Variants in RHBDL2 observed in about 807,000 individuals in gnomAD.
RHBDL2 encodes rhomboid-related protein 2.
In RHBDL2, 26 loss-of-function variants were observed where a neutral mutation model predicts 31.7. That is an observed-to-expected ratio of 0.82 (90% CI 0.60 to 1.14). The LOEUF is 1.14. RHBDL2 is among the 50% of genes most tolerant of loss of function. The probability of loss-of-function intolerance (pLI) is 0.00; values close to 1 mark genes in which losing one functional copy is unlikely to be tolerated. For missense variants in RHBDL2, 336 were observed against 364.4 expected (o/e 0.92, Z 0.63); for synonymous variants, 123 against 127.2 (o/e 0.97, Z 0.22).
At chr1:38,919,426 TAAAA>T in intron 1 of RHBDL2, 89 bp from the exon 2 acceptor site, 1 of 1,287,460 alleles carries the variant, frequency 7.8e-7, no homozygotes, top group Non-Finnish European at 1.0e-6. Context: ...GTAATTGTTT[TAAAA>T]AGAGCCAGAT....
intron 1 of RHBDL2, among the ~76,000 whole-genome samples, chr1:38,929,083 T>TAAATAA (rs939404210): frequency 0.02 from 3,038 of 151,986 alleles, 98 homozygotes; most frequent in African/African-American, 0.069. Flanking sequence ...AAAACCTAAA[T>TAAATAA]AAATAAAAAT....
At chr1:38,910,232 A>G (rs1027423705) in intron 4 of RHBDL2, among the ~76,000 whole-genome samples, 2 of 152,190 alleles carry the variant, frequency 1.3e-5, no homozygotes, top group South Asian at 2.1e-4. Flanking sequence ...ATAAAAAGGC[A>G]TCATAAGGGA....
intron 1 of RHBDL2, among the ~76,000 whole-genome samples, chr1:38,936,502 T>G (rs897371093): frequency 2.1e-5 from 2 of 93,590 alleles, no homozygotes; most frequent in East Asian, 3.8e-4. Context: ...GCTTTTTGGG[T>G]TTTTTTTTTT....
intron 5 of RHBDL2, among the ~76,000 whole-genome samples, chr1:38,894,780 C>T (rs1242506254): frequency 2.0e-4 from 27 of 132,278 alleles, no homozygotes; most frequent in Non-Finnish European, 4.6e-5. Context: ...GATCTCAGCT[C>T]ACTGCAACCT....
intron 1 of RHBDL2, among the ~76,000 whole-genome samples, chr1:38,938,248 C>A (rs993397144): frequency 6.6e-6 from 1 of 152,022 alleles, no homozygotes; most frequent in African/African-American, 2.4e-5. Flanking sequence ...AACTCCTGAC[C>A]TTGTGATCCG....
In RHBDL2 at chr1:38,908,193, C is replaced by T. The variant is rs558577375; in HGVS notation, c.508+3129G>A. Among the ~76,000 whole-genome samples, 9 of 145,646 alleles carry T rather than the reference C, an allele frequency of 6.2e-5. No homozygotes were observed. The East Asian group carries it at 1.9e-3, about 30-fold the overall frequency. ...AAAAAAAAAAAAAGATATTCAACAT[C>T]ATTAGCCATTAGGGAAATGCAAATT... On this transcript the variant is annotated intron_variant, in intron 4 of 7. Coordinates refer to ENST00000372990, the MANE Select transcript of RHBDL2 (RefSeq NM_017821.5).
chr1:38,904,523 C>A (rs890104047), intron 4 of RHBDL2, among the ~76,000 whole-genome samples: 14 of 151,022 alleles, frequency 9.3e-5, no homozygotes, highest in African/African-American at 3.4e-4. Context: ...AGCCACAATT[C>A]CTAAAGTTTG....
chr1:38,929,938 T>C (rs1481769894), intron 1 of RHBDL2, among the ~76,000 whole-genome samples: 2 of 152,220 alleles, frequency 1.3e-5, no homozygotes, highest in African/African-American at 4.8e-5. Flanking sequence ...TTTCTGAGGA[T>C]ACACTTGGAA....
At chr1:38,929,642 C>T (rs921406875) in intron 1 of RHBDL2, 2 of 1,216,456 alleles carry the variant, frequency 1.6e-6, no homozygotes, top group African/African-American at 3.1e-5. Flanking sequence ...GGAGGCTGGG[C>T]AGCGGGCTGT....
At chr1:38,898,122 ACT>A (rs1415655335) in intron 4 of RHBDL2, among the ~76,000 whole-genome samples, 1 of 151,936 alleles carries the variant, frequency 6.6e-6, no homozygotes. Flanking sequence ...CAAGAGTGAG[ACT>A]CTGTCTCAAA....
chr1:38,924,577 G>C (rs1410771172), intron 1 of RHBDL2, among the ~76,000 whole-genome samples: 2 of 151,672 alleles, frequency 1.3e-5, no homozygotes, highest in Non-Finnish European at 2.9e-5. Context: ...CTGGGCGACA[G>C]AGCAAGACTC....
chr1:38,896,654 A>G (rs1642922410), intron 4 of RHBDL2, among the ~76,000 whole-genome samples: 1 of 152,170 alleles, frequency 6.6e-6, no homozygotes, highest in Non-Finnish European at 1.5e-5. Flanking sequence ...ATCTTTCTCA[A>G]TGAGCCATAA....
At chr1:38,924,013 G>A (rs1643344664) in intron 1 of RHBDL2, among the ~76,000 whole-genome samples, 1 of 151,986 alleles carries the variant, frequency 6.6e-6, no homozygotes, top group Non-Finnish European at 1.5e-5. Context: ...ACCCTTTCAT[G>A]GGTTCTAAGG....
At chr1:38,886,844 G>T (rs777487395) in intron 7 of RHBDL2, among the ~76,000 whole-genome samples, 161 bp from the exon 8 acceptor site, 2 of 152,190 alleles carry the variant, frequency 1.3e-5, no homozygotes, top group Non-Finnish European at 2.9e-5. Context: ...AAAACTCCAT[G>T]TGCACAGAGA....
At chr1:38,940,746 T>C (rs1486147161) in intron 1 of RHBDL2, among the ~76,000 whole-genome samples, 2 of 152,174 alleles carry the variant, frequency 1.3e-5, no homozygotes, top group Non-Finnish European at 2.9e-5. Flanking sequence ...GTCATCTTCA[T>C]AAAAATATCA....
intron 1 of RHBDL2, among the ~76,000 whole-genome samples, chr1:38,937,968 A>T (rs148946688): frequency 5.3e-5 from 8 of 152,188 alleles, no homozygotes; most frequent in African/African-American, 1.9e-4. Context: ...CTAGGCCCCT[A>T]CACATCAGCC....
intron 3 of RHBDL2, among the ~76,000 whole-genome samples, chr1:38,914,066 G>A (rs1361294041): frequency 2.6e-5 from 4 of 151,152 alleles, no homozygotes; most frequent in South Asian, 2.1e-4. Flanking sequence ...GCAGTGAGCC[G>A]AGATCGCACC....
At chr1:38,901,363 G>A (rs1217139169) in intron 4 of RHBDL2, among the ~76,000 whole-genome samples, 1 of 148,062 alleles carries the variant, frequency 6.8e-6, no homozygotes, top group Non-Finnish European at 1.5e-5. Flanking sequence ...TCAGGAGGCC[G>A]AGACAGGAGA....
chr1:38,921,898 C>G (rs1643321228), intron 1 of RHBDL2, among the ~76,000 whole-genome samples: 1 of 152,180 alleles, frequency 6.6e-6, no homozygotes, highest in African/African-American at 2.4e-5. Context: ...CAATTAGGGA[C>G]AGTTCACATT....
Sources: allele counts gnomAD v4.1 joint callset (sites outside exome capture counted in the v4.1 genomes callset), GRCh38; gene constraint gnomAD v4.1.1; transcripts MANE v1.5; gene names NCBI Gene and HGNC (gene_info 2026-07-23, HGNC 2026-07-21).